Variants in NSL1 observed in about 807,000 individuals in gnomAD.
NSL1 encodes the protein NSL1 component of MIS12 kinetochore complex.
NSL1 carries 11 observed loss-of-function variants against 25.4 expected under a neutral mutation model. The observed-to-expected ratio is 0.43, with a 90% CI of 0.27 to 0.72. The LOEUF is 0.72. Ranked by LOEUF, NSL1 falls within the 30% of genes least tolerant of loss-of-function variation. The probability of loss-of-function intolerance (pLI) is 0.19; values close to 1 mark genes in which losing one functional copy is unlikely to be tolerated. For synonymous variants in NSL1, 118 were observed against 120.6 expected (o/e 0.98, Z 0.14); for missense variants, 330 against 342.7 (o/e 0.96, Z 0.29).
chr1:212,727,378 G>A lies in NSL1; in HGVS notation c.*11030C>T. On this transcript the variant is annotated 3_prime_UTR_variant, in exon 6 of 6. Coordinates refer to ENST00000366977, the MANE Select transcript of NSL1 (RefSeq NM_015471.4). Reference sequence around the variant, plus strand: ...CATGGCAGGAAGGTCACTTAACCAGGGAAATAAGTATCAGTCAAGTTAATG... The same window carrying A: ...CATGGCAGGAAGGTCACTTAACCAGAGAAATAAGTATCAGTCAAGTTAATG... 1 of 985,276 alleles carries A rather than the reference G, an allele frequency of 1.0e-6. No homozygotes were observed. The highest frequency in any genetic ancestry group is 1.2e-6 in the Non-Finnish European group (1 of 829,882). The allele number at this position is 985,276 out of a possible 1,614,324, so 61.0% of individuals were successfully genotyped here. A position where few individuals can be genotyped will look rare whatever the true frequency, so the allele number is the denominator to read the frequency against.
intron 4 of NSL1, chr1:212,781,913 A>G (rs944554338): frequency 1.9e-5 from 6 of 316,402 alleles, no homozygotes; most frequent in African/African-American, 1.1e-4. Flanking sequence ...AACTGAGTTC[A>G]AAGGCATAAT....
chr1:212,763,735 A>C (rs922005718), intron 4 of NSL1, among the ~76,000 whole-genome samples: 2 of 152,234 alleles, frequency 1.3e-5, no homozygotes, highest in Admixed American at 1.3e-4. Context: ...GGATACTATA[A>C]TCCTAAATTT....
chr1:212,777,990 A>G (rs138728282), intron 4 of NSL1, among the ~76,000 whole-genome samples: 2 of 152,238 alleles, frequency 1.3e-5, no homozygotes, highest in South Asian at 4.1e-4. Context: ...TCCTGGCTAG[A>G]GTGATGGTAA....
At position 212,738,474 on chromosome 1, in the gene NSL1, T is replaced by C. The variant is rs1254038238; in HGVS notation, c.780A>G (p.Gln260=). 6.2e-7 allele frequency: 1 copy of C among 1,614,122 alleles called. No homozygotes were observed. The highest frequency in any genetic ancestry group is 1.3e-5 in the African/African-American group (1 of 75,036). The change falls in exon 6 of 6, where the codon CAA becomes CAG. Residue 260 remains glutamine (Q), a synonymous_variant. Coordinates refer to ENST00000366977, the MANE Select transcript of NSL1 (RefSeq NM_015471.4). ...ATTTTCTCTGGGGGCAGTCTTTAGT[T>C]TGCTTTCTTTTCAGTACCATGTCAG... ...KTSDMVLKRK[Q]TKDCPQRKWY...
rs555241496 is a variant in NSL1 at position 212,755,690 on chromosome 1, T to C, written c.500-16089A>G. Among the ~76,000 whole-genome samples, 29 of 151,948 alleles carry C rather than the reference T, an allele frequency of 1.9e-4. No individual in the cohort carries two copies. In the East Asian group the frequency reaches 4.8e-3, roughly 25 times the overall value. ...CTGATAATAGTTGCCTATTTGAAGATGTGTGGGATGTGACAGATTGGGAGG... is the reference window on the plus strand; with the variant it reads ...CTGATAATAGTTGCCTATTTGAAGACGTGTGGGATGTGACAGATTGGGAGG... On this transcript the variant is annotated intron_variant, in intron 4 of 5. Coordinates refer to ENST00000366977, the MANE Select transcript of NSL1 (RefSeq NM_015471.4).
intron 4 of NSL1, among the ~76,000 whole-genome samples, chr1:212,776,981 G>A (rs560907677): frequency 1.3e-5 from 2 of 149,758 alleles, no homozygotes; most frequent in East Asian, 3.9e-4. Context: ...ATAAAGATTA[G>A]AAATCAAGGA....
intron 4 of NSL1, among the ~76,000 whole-genome samples, chr1:212,747,527 T>G (rs1658860446): frequency 6.6e-6 from 1 of 152,220 alleles, no homozygotes; most frequent in South Asian, 2.1e-4. Context: ...CAGCTCCAAA[T>G]GACATCTTGA....
chr1:212,783,406 G>GT (rs748594317), intron 3 of NSL1, among the ~76,000 whole-genome samples: 5 of 152,066 alleles, frequency 3.3e-5, no homozygotes, highest in Non-Finnish European at 7.4e-5. Flanking sequence ...ATGGAATGCG[G>GT]TATTTGAGAA....
Position 212,731,034 on chromosome 1 carries a change from C to T in NSL1, c.*7374G>A, listed in dbSNP as rs1657991348. On this transcript the variant is annotated 3_prime_UTR_variant, in exon 6 of 6. Coordinates refer to ENST00000366977, the MANE Select transcript of NSL1 (RefSeq NM_015471.4). ...AACGAATTACAAGGGATTCTTTACCCCTGAAGCTTCAAATGAATATAACAT... is the reference window on the plus strand; with the variant it reads ...AACGAATTACAAGGGATTCTTTACCTCTGAAGCTTCAAATGAATATAACAT... The T allele has an allele frequency of 1.0e-6, 1 of 985,212 alleles. No individual in the cohort carries two copies. The highest frequency in any genetic ancestry group is 6.2e-5 in the Admixed American group (1 of 16,248). The allele number at this position is 985,212 out of a possible 1,614,324, so 61.0% of individuals were successfully genotyped here. A position where few individuals can be genotyped will look rare whatever the true frequency, so the allele number is the denominator to read the frequency against.
chr1:212,773,645 T>A (rs552344509), intron 4 of NSL1, among the ~76,000 whole-genome samples: 41 of 152,116 alleles, frequency 2.7e-4, no homozygotes, highest in African/African-American at 9.9e-4. Context: ...AAAAAAAAAC[T>A]AAAAATAGAA....
In NSL1 at chr1:212,730,236, T is replaced by TA; in HGVS notation, c.*8171_*8172insT. 2 of 223,612 alleles carry TA rather than the reference T, an allele frequency of 8.9e-6. No individual in the cohort carries two copies. The highest frequency in any genetic ancestry group is 1.0e-5 in the Non-Finnish European group (2 of 198,712). The allele number at this position is 223,612 out of a possible 1,614,324, so 13.9% of individuals were successfully genotyped here. On this transcript the variant is annotated 3_prime_UTR_variant, in exon 6 of 6. Transcript: ENST00000366977. ...CTACACTCCAGCCTGGGTGACAGTC[T>TA]CAAAAAAAAAAAAAAAAAAAAAAAA...
Position 212,731,407 on chromosome 1 carries a change from C to G in NSL1, c.*7001G>C. 1.0e-6 allele frequency: 1 copy of G among 984,866 alleles called. No individual in the cohort carries two copies. Among genetic ancestry groups the G allele is most frequent in the Non-Finnish European group, 1.2e-6 (1 of 829,552 alleles). 61.0% of individuals were successfully genotyped at this position (984,866 alleles called of 1,614,324 possible). On this transcript the variant is annotated 3_prime_UTR_variant, in exon 6 of 6. Transcript: ENST00000366977. ...CCCATCTCTAAAACAAATAAACTAG[C>G]CGGGCATGGTGGCACACGCCTGTTT...
intron 4 of NSL1, among the ~76,000 whole-genome samples, chr1:212,751,607 G>C (rs1659068844): frequency 1.3e-5 from 2 of 152,128 alleles, no homozygotes; most frequent in South Asian, 2.1e-4. Flanking sequence ...AACAATTATA[G>C]AATTAAATGT....
chr1:212,758,645 A>G (rs914039087), intron 4 of NSL1, among the ~76,000 whole-genome samples: 1 of 152,268 alleles, frequency 6.6e-6, no homozygotes, highest in African/African-American at 2.4e-5. Flanking sequence ...ATCAATTTCC[A>G]GATGGAAAGC....
chr1:212,791,666 C>G lies in NSL1; in HGVS notation c.98G>C (p.Arg33Pro). The change falls in exon 1 of 6, where the codon CGA (arginine) becomes CCA (proline). Residue 33 changes from arginine (R) to proline (P), a missense_variant. By Grantham distance (103) the Arg-to-Pro change is moderately radical (BLOSUM62 -2). Coordinates refer to ENST00000366977, the MANE Select transcript of NSL1 (RefSeq NM_015471.4). Reference protein sequence around the residue: ...ESQALVSATPREDFRVRCTSK... With the variant: ...ESQALVSATPPEDFRVRCTSK... ...GGTGCAGCGCACCCGAAAGTCTTCT[C>G]GGGGAGTGGCGGAGACCAAGGCCTG... 6.2e-7 allele frequency: 1 copy of G among 1,613,938 alleles called. No individual in the cohort carries two copies. The highest frequency in any genetic ancestry group is 8.5e-7 in the Non-Finnish European group (1 of 1,180,004).
chr1:212,781,709 T>G (rs2102401114), intron 4 of NSL1, among the ~76,000 whole-genome samples: 1 of 152,362 alleles, frequency 6.6e-6, no homozygotes, highest in Non-Finnish European at 1.5e-5. Flanking sequence ...AATGTCATTT[T>G]AAGTGCCAAA....
At chr1:212,790,672 C>CA (rs1160379542) in intron 1 of NSL1, among the ~76,000 whole-genome samples, 1 of 152,024 alleles carries the variant, frequency 6.6e-6, no homozygotes, top group African/African-American at 2.4e-5. Flanking sequence ...CCTGTAATAC[C>CA]AGCACTTTGG....
At position 212,778,882 on chromosome 1, in the gene NSL1, C is replaced by T. The variant is rs1176081740; in HGVS notation, c.499+3490G>A. ...CCTATCGTCTGGGATGTGAGGAGCC[C>T]CTCTGCCCGGCTGCCCAGTCTGGAA... On this transcript the variant is annotated intron_variant, in intron 4 of 5. Transcript: ENST00000366977. Among the ~76,000 whole-genome samples the T allele has an allele frequency of 8.6e-5, 13 of 150,888 alleles. No homozygotes were observed. The South Asian group carries it at 2.7e-3, about 32-fold the overall frequency.
At position 212,730,237 on chromosome 1, in the gene NSL1, C is replaced by CAAAAAAAAAAAAAA. The variant is rs532313864; in HGVS notation, c.*8157_*8170dup. 1.9e-6 allele frequency: 1 copy of CAAAAAAAAAAAAAA among 540,402 alleles called. No homozygotes were observed. Among genetic ancestry groups the CAAAAAAAAAAAAAA allele is most frequent in the Non-Finnish European group, 2.1e-6 (1 of 481,528 alleles). The allele number at this position is 540,402 out of a possible 1,614,324, so 33.5% of individuals were successfully genotyped here. ...TACACTCCAGCCTGGGTGACAGTCT[C>CAAAAAAAAAAAAAA]AAAAAAAAAAAAAAAAAAAAAAAAA... is the stretch of plus-strand genomic sequence containing the variant. On this transcript the variant is annotated 3_prime_UTR_variant, in exon 6 of 6. Transcript: ENST00000366977.
Sources: gnomAD v4.1 joint callset for allele counts (sites outside exome capture counted in the v4.1 genomes callset) on GRCh38, gnomAD v4.1.1 for gene constraint, MANE v1.5 for transcripts, NCBI Gene and HGNC (gene_info 2026-07-23, HGNC 2026-07-21) for gene names.